Variants in TEK observed in about 807,000 individuals in gnomAD.
TEK encodes the protein TEK receptor tyrosine kinase.
A neutral mutation model predicts 131.8 loss-of-function variants in TEK; 43 were observed. That is an observed-to-expected ratio of 0.33 (90% CI 0.26 to 0.42). TEK has a LOEUF of 0.42. TEK is among the 10% of genes least tolerant of loss of function. TEK has a pLI of 1.00. For synonymous variants in TEK, 580 were observed against 491.6 expected (o/e 1.18, Z -2.38); for missense variants, 1,162 against 1,384.4 (o/e 0.84, Z 2.55).
At chr9:27,131,672 G>A (rs1484618858) in intron 1 of TEK, among the ~76,000 whole-genome samples, 2 of 151,388 alleles carry the variant, frequency 1.3e-5, no homozygotes, top group African/African-American at 4.9e-5. Flanking sequence ...TTAGCCAGGT[G>A]TGGTGGTATA....
chr9:27,173,092 C>T (rs2131149694), intron 5 of TEK, 130 bp from the exon 6 acceptor site: 1 of 1,251,124 alleles, frequency 8.0e-7, no homozygotes, highest in Admixed American at 1.9e-5. Flanking sequence ...GTATGTTCAT[C>T]CTACCATGCC....
At chr9:27,218,879 A>G in intron 20 of TEK, 62 bp downstream of exon 20, 2 of 1,495,882 alleles carry the variant, frequency 1.3e-6, no homozygotes, top group East Asian at 2.3e-5. Flanking sequence ...AGCCTCTAGC[A>G]CTCCCTTGCT....
intron 10 of TEK, 142 bp downstream of exon 10, chr9:27,190,832 A>G: frequency 7.8e-6 from 10 of 1,275,692 alleles, no homozygotes; most frequent in Non-Finnish European, 1.1e-5. Context: ...GTTTCAGAGT[A>G]TTCAAGAGAG....
intron 1 of TEK, among the ~76,000 whole-genome samples, chr9:27,144,021 C>T (rs1442090377): frequency 6.6e-6 from 1 of 152,318 alleles, no homozygotes; most frequent in African/African-American, 2.4e-5. Flanking sequence ...CGGTGGCTTA[C>T]GCCTGTAATC....
intron 2 of TEK, among the ~76,000 whole-genome samples, chr9:27,165,987 T>C (rs1823715557): frequency 6.6e-6 from 1 of 152,258 alleles, no homozygotes; most frequent in Non-Finnish European, 1.5e-5. Context: ...GGTAGTTGTC[T>C]CAGCCAGTGG....
intron 13 of TEK, 24 bp from the exon 14 acceptor site, chr9:27,204,887 C>G (rs543228874): frequency 1.9e-6 from 3 of 1,613,364 alleles, no homozygotes; most frequent in Non-Finnish European, 2.5e-6. Context: ...AAACTACCTG[C>G]TTCACCTCTG....
chr9:27,173,188 T>A, intron 5 of TEK, 34 bp from the exon 6 acceptor site: 1 of 1,613,704 alleles, frequency 6.2e-7, no homozygotes, highest in Non-Finnish European at 8.5e-7. Context: ...GTTGCATATT[T>A]GACTCTGAAT....
chr9:27,185,416 T>C, intron 8 of TEK, 69 bp from the exon 9 acceptor site: 9 of 1,585,064 alleles, frequency 5.7e-6, no homozygotes, highest in Non-Finnish European at 7.8e-6. Context: ...TGAGATGGGG[T>C]CAATGTTATG....
chr9:27,145,218 G>T (rs567206696), intron 1 of TEK, among the ~76,000 whole-genome samples: 8 of 152,168 alleles, frequency 5.3e-5, no homozygotes, highest in African/African-American at 1.9e-4. Context: ...TTGCTTGCAC[G>T]TGCAGAGAAC....
At chr9:27,135,845 A>G (rs898698864) in intron 1 of TEK, among the ~76,000 whole-genome samples, 1 of 152,180 alleles carries the variant, frequency 6.6e-6, no homozygotes, top group Non-Finnish European at 1.5e-5. Flanking sequence ...CCTTTAAAAC[A>G]TCACCATGAT....
At chr9:27,213,419 C>T (rs1825705111) in intron 17 of TEK, 65 bp from the exon 18 acceptor site, 1 of 1,201,778 alleles carries the variant, frequency 8.3e-7, no homozygotes, top group Admixed American at 1.7e-5. Flanking sequence ...TTTCCTGTTC[C>T]CCAAAGTTTT....
At chr9:27,229,117 T>A in intron 22 of TEK, 41 bp from the exon 23 acceptor site, 1 of 1,598,626 alleles carries the variant, frequency 6.3e-7, no homozygotes, top group Non-Finnish European at 8.6e-7. Context: ...AGAGGTGGAA[T>A]CAAAGCAGCC....
intron 20 of TEK, among the ~76,000 whole-genome samples, chr9:27,219,597 A>G (rs190371817): frequency 1.8e-4 from 28 of 152,316 alleles, no homozygotes; most frequent in African/African-American, 4.8e-4. Flanking sequence ...ACCATGGCAC[A>G]TGTATCTCAG....
At chr9:27,162,321 G>A (rs551037440) in intron 2 of TEK, among the ~76,000 whole-genome samples, 27 of 152,268 alleles carry the variant, frequency 1.8e-4, no homozygotes, top group Non-Finnish European at 3.8e-4. Context: ...CATTTGAGAT[G>A]TGCCAAAACA....
intron 1 of TEK, among the ~76,000 whole-genome samples, chr9:27,128,426 G>A (rs1298665737): frequency 6.6e-6 from 1 of 152,070 alleles, no homozygotes; most frequent in Non-Finnish European, 1.5e-5. Flanking sequence ...TTCCAGTTTT[G>A]TTCTTTTTGC....
At chr9:27,166,468 G>T (rs1244721082) in intron 2 of TEK, among the ~76,000 whole-genome samples, 1 of 152,046 alleles carries the variant, frequency 6.6e-6, no homozygotes, top group African/African-American at 2.4e-5. Flanking sequence ...TTGAAATTCT[G>T]TTGTTAGATG....
chr9:27,112,308 C>T (rs943857785), intron 1 of TEK, among the ~76,000 whole-genome samples: 17 of 152,090 alleles, frequency 1.1e-4, no homozygotes, highest in African/African-American at 4.1e-4. Context: ...AGATGAAACC[C>T]CCTTGTTAGG....
chr9:27,121,793 A>G (rs1821800792), intron 1 of TEK, among the ~76,000 whole-genome samples: 1 of 152,226 alleles, frequency 6.6e-6, no homozygotes, highest in Non-Finnish European at 1.5e-5. Context: ...TTTGAGAGAC[A>G]CTGCTATAAC....
chr9:27,138,423 G>A (rs1336158845), intron 1 of TEK, among the ~76,000 whole-genome samples: 4 of 152,116 alleles, frequency 2.6e-5, no homozygotes, highest in African/African-American at 9.7e-5. Flanking sequence ...ACAGAGTGCT[G>A]ATTGGTGCAT....
Sources: allele counts gnomAD v4.1 joint callset (sites outside exome capture counted in the v4.1 genomes callset), GRCh38; gene constraint gnomAD v4.1.1; transcripts MANE v1.5; gene names NCBI Gene and HGNC (gene_info 2026-07-23, HGNC 2026-07-21).